The following SPATS2L variants were observed in gnomAD, a reference collection of about 807,000 sequenced individuals.
SPATS2L encodes the protein SPATS2-like protein.
In SPATS2L, 30 loss-of-function variants were observed where a neutral mutation model predicts 59.6. The ratio of observed to expected loss-of-function variants is 0.50; its 90% confidence interval spans 0.38 to 0.68. The LOEUF (loss-of-function observed/expected upper bound fraction) is 0.68. Ranked by LOEUF, SPATS2L falls within the 30% of genes least tolerant of loss-of-function variation. SPATS2L has a pLI of 0.00. For missense variants in SPATS2L, 615 were observed against 700.0 expected (o/e 0.88, Z 1.37); for synonymous variants, 252 against 263.5 (o/e 0.96, Z 0.42).
rs143962909 is a variant in SPATS2L, at chr2:200,464,347, G to A, written c.848-2943G>A. On this transcript the variant is annotated intron_variant, in intron 9 of 12. Coordinates refer to ENST00000409140, the MANE Select transcript of SPATS2L (RefSeq NM_001100423.2). ...TGTAAAATGCATTTTAACACTTGCT[G>A]ATCCAAAGTATTTGTTTCCATGCAC... 3.3e-3 allele frequency among the ~76,000 whole-genome samples: 495 copies of A among 152,274 alleles called. 1 individual carries two copies. The highest frequency in any genetic ancestry group is 0.011 in the African/African-American group (473 of 41,550).
At chr2:200,322,960 G>T (rs1408734364) in intron 1 of SPATS2L, among the ~76,000 whole-genome samples, 4 of 152,106 alleles carry the variant, frequency 2.6e-5, no homozygotes, top group African/African-American at 7.2e-5. Context: ...GCTCATTTTT[G>T]TCTTAGGATT....
chr2:200,369,813 ATAT>A (rs2081373472), intron 2 of SPATS2L, among the ~76,000 whole-genome samples: 1 of 152,172 alleles, frequency 6.6e-6, no homozygotes, highest in Admixed American at 6.5e-5. Context: ...CAAGACTGCG[ATAT>A]TATTTTTATC....
In SPATS2L at chr2:200,470,017, G is replaced by T; in HGVS notation, c.1060+1G>T. The T allele has an allele frequency of 6.2e-7, 1 of 1,602,180 alleles. No homozygotes were observed. ...GCCCAAATCATGCTCTGCGGAGAAA[G>T]TGAGTTTTGCATATTTGCTGAATAA... is the stretch of plus-strand genomic sequence containing the variant. On this transcript the variant is annotated splice_donor_variant, in intron 11 of 12. Transcript: ENST00000409140. LOFTEE classifies it high-confidence loss of function.
rs979629652 is a variant in SPATS2L, at chr2:200,477,784, A to T, written c.1430A>T (p.Asn477Ile). Reference protein sequence around the residue: ...SRHEHRRQPHNGFRPKNKGGA... With the variant: ...SRHEHRRQPHIGFRPKNKGGA... ...CACGAACACAGAAGACAGCCGCACA[A>T]CGGCTTCCGGCCCAAAAACAAAGGC... The change falls in exon 13 of 13, where the codon AAC becomes ATC. Residue 477 changes from asparagine (N) to isoleucine (I), a missense_variant. Coordinates refer to ENST00000409140, the MANE Select transcript of SPATS2L (RefSeq NM_001100423.2). 6.3e-7 allele frequency: 1 copy of T among 1,578,044 alleles called. No individual in the cohort carries two copies.
intron 1 of SPATS2L, among the ~76,000 whole-genome samples, chr2:200,318,976 C>G (rs1020520982): frequency 2.6e-5 from 4 of 152,128 alleles, no homozygotes; most frequent in African/African-American, 9.7e-5. Context: ...GTGATTGGAC[C>G]AATACTCCAT....
At chr2:200,330,191 T>C (rs1462608985) in intron 2 of SPATS2L, among the ~76,000 whole-genome samples, 1 of 152,264 alleles carries the variant, frequency 6.6e-6, no homozygotes, top group Non-Finnish European at 1.5e-5. Flanking sequence ...TTACACAAAA[T>C]TGATATTCAA....
At chr2:200,342,744 C>T (rs2080374664) in intron 2 of SPATS2L, among the ~76,000 whole-genome samples, 1 of 152,216 alleles carries the variant, frequency 6.6e-6, no homozygotes, top group Non-Finnish European at 1.5e-5. Context: ...AGTTTGTGAT[C>T]ATAATGAGTT....
At chr2:200,325,932 A>G (rs560053956) in intron 1 of SPATS2L, among the ~76,000 whole-genome samples, 1 of 152,200 alleles carries the variant, frequency 6.6e-6, no homozygotes, top group South Asian at 2.1e-4. Context: ...GTACTTAACC[A>G]TTTATTGGGC....
chr2:200,410,725 A>G (rs2082846823), intron 3 of SPATS2L, among the ~76,000 whole-genome samples: 1 of 152,158 alleles, frequency 6.6e-6, no homozygotes, highest in South Asian at 2.1e-4. Context: ...TCTCCCTGTC[A>G]TATGATTTTA....
intron 3 of SPATS2L, among the ~76,000 whole-genome samples, chr2:200,396,033 A>ATATAAAT (rs1172186726): frequency 5.7e-4 from 12 of 21,138 alleles, no homozygotes; most frequent in African/African-American, 1.6e-3. Flanking sequence ...AAAAAAAAAA[A>ATATAAAT]ATATATATAT....
chr2:200,467,390 A>G lies in SPATS2L; in HGVS notation c.948A>G (p.Ala316=). The change falls in exon 10 of 13, where the codon GCA becomes GCG. Residue 316 remains alanine, a synonymous_variant. Coordinates refer to ENST00000409140, the MANE Select transcript of SPATS2L (RefSeq NM_001100423.2). ...MAEMQLAELR[A]EIKHFVSERK... ...AGATGCAGCTGGCCGAACTCAGGGC[A>G]GAAATTAAGGTCAGTTCTAAAATAT... 6.2e-7 allele frequency: 1 copy of G among 1,612,638 alleles called. No individual in the cohort carries two copies. Among genetic ancestry groups the G allele is most frequent in the Non-Finnish European group, 8.5e-7 (1 of 1,178,614 alleles).
At chr2:200,358,019 A>G (rs2080974069) in intron 2 of SPATS2L, among the ~76,000 whole-genome samples, 1 of 152,186 alleles carries the variant, frequency 6.6e-6, no homozygotes, top group African/African-American at 2.4e-5. Context: ...CACTTGCCAA[A>G]CATTCCTGTT....
intron 9 of SPATS2L, among the ~76,000 whole-genome samples, chr2:200,460,103 A>G (rs1452203408): frequency 1.3e-5 from 2 of 152,202 alleles, no homozygotes; most frequent in Non-Finnish European, 2.9e-5. Flanking sequence ...TGAGTTTTCT[A>G]AAGTCCAAAG....
intron 6 of SPATS2L, among the ~76,000 whole-genome samples, chr2:200,430,694 G>A (rs1168077240): frequency 1.4e-5 from 2 of 143,798 alleles, no homozygotes; most frequent in African/African-American, 5.1e-5. Context: ...TTCCCAAACT[G>A]TTGTCCGTGT....
intron 8 of SPATS2L, among the ~76,000 whole-genome samples, chr2:200,441,681 C>T (rs1265084099): frequency 3.9e-5 from 6 of 152,178 alleles, no homozygotes; most frequent in Admixed American, 1.3e-4. Context: ...AGATGACCCC[C>T]TCACAGCTGC....
intron 2 of SPATS2L, among the ~76,000 whole-genome samples, chr2:200,351,779 A>G (rs1014133794): frequency 6.6e-6 from 1 of 152,156 alleles, no homozygotes; most frequent in East Asian, 1.9e-4. Flanking sequence ...AGTCTTTGGT[A>G]TAAGGTTTCC....
At position 200,430,717 on chromosome 2, in the gene SPATS2L, T is replaced by C. The variant is rs1574502078; in HGVS notation, c.446-8405T>C. Among the ~76,000 whole-genome samples the C allele has an allele frequency of 2.2e-5, 3 of 138,408 alleles. No individual in the cohort carries two copies. The South Asian group carries it at 7.2e-4, about 33-fold the overall frequency. 90.8% of individuals were successfully genotyped at this position (138,408 alleles called of 152,430 possible). On this transcript the variant is annotated intron_variant, in intron 6 of 12. Transcript: ENST00000409140. ...CTGTTGTCCGTGTGAATTGTTTCCT[T>C]TTTTTTTTTTTTTTTTTTGAGACAG...
At chr2:200,414,023 C>T (rs1295127966) in intron 4 of SPATS2L, among the ~76,000 whole-genome samples, 2 of 152,160 alleles carry the variant, frequency 1.3e-5, no homozygotes, top group Non-Finnish European at 2.9e-5. Flanking sequence ...TCAGGTTTTA[C>T]TTGCCAACAT....
intron 2 of SPATS2L, among the ~76,000 whole-genome samples, chr2:200,361,959 G>A (rs1306129127): frequency 6.6e-6 from 1 of 152,076 alleles, no homozygotes; most frequent in Non-Finnish European, 1.5e-5. Flanking sequence ...GTGAATGCAG[G>A]GCCAGATGTG....
Sources: allele counts gnomAD v4.1 joint callset (sites outside exome capture counted in the v4.1 genomes callset), GRCh38; gene constraint gnomAD v4.1.1; transcripts MANE v1.5; gene names NCBI Gene and HGNC (gene_info 2026-07-23, HGNC 2026-07-21).